Variants in NCLN observed in about 807,000 individuals in gnomAD.
NCLN encodes the protein BOS complex subunit NCLN.
A neutral mutation model predicts 69.5 loss-of-function variants in NCLN; 34 were observed. The ratio of observed to expected loss-of-function variants is 0.49; its 90% CI spans 0.37 to 0.65. The LOEUF (loss-of-function observed/expected upper bound fraction) is 0.65, where lower values mean the gene tolerates loss of function less well. Ranked by LOEUF, NCLN falls within the 30% of genes least tolerant of loss-of-function variation. NCLN has a pLI of 0.00. For missense variants in NCLN, 710 were observed against 804.8 expected, an observed-to-expected ratio of 0.88 and a Z score of 1.42; for synonymous variants, 393 against 358.3, an observed-to-expected ratio of 1.10 and a Z score of -1.09.
intron 9 of NCLN, 23 bp downstream of exon 9, chr19:3,204,774 G>A (rs1280969200): frequency 1.4e-6 from 2 of 1,444,416 alleles, no homozygotes; most frequent in African/African-American, 1.4e-5. Context: ...GCACCTGCCC[G>A]GCCCCTCCTA....
In NCLN at chr19:3,207,372, G is replaced by C; in HGVS notation, c.1554-19G>C. 6.2e-7 allele frequency: 1 copy of C among 1,613,042 alleles called. No individual in the cohort carries two copies. The highest frequency in any genetic ancestry group is 1.1e-5 in the South Asian group (1 of 91,086). On this transcript the variant is annotated intron_variant, in intron 13 of 14. Coordinates refer to ENST00000246117, the MANE Select transcript of NCLN (RefSeq NM_020170.4). Reference sequence around the variant, plus strand: ...GCCGCGCACCATCCTCGACCTCAGGGACCCTGCTTTCTCCACAGAGTCAAG... The same window carrying C: ...GCCGCGCACCATCCTCGACCTCAGGCACCCTGCTTTCTCCACAGAGTCAAG...
rs571526005 is a variant in NCLN, at chr19:3,196,844, A to C, written c.615+567A>C. On this transcript the variant is annotated intron_variant, in intron 4 of 14. Coordinates refer to ENST00000246117, the MANE Select transcript of NCLN (RefSeq NM_020170.4). ...TTAAAACCCGAGGAAGCACCCACCG[A>C]CTCCTCTAGCATTTCCCTGCGGGAC... 8.2e-4 allele frequency among the ~76,000 whole-genome samples: 124 copies of C among 151,936 alleles called. 1 individual carries two copies. The highest frequency in any genetic ancestry group is 2.9e-3 in the African/African-American group (122 of 41,424).
intron 6 of NCLN, among the ~76,000 whole-genome samples, chr19:3,202,785 C>T (rs1448867578): frequency 1.3e-5 from 2 of 152,130 alleles, no homozygotes; most frequent in Non-Finnish European, 1.5e-5. Flanking sequence ...ACCTCTTCCC[C>T]CAGCCCCCCA....
rs767448151 is a variant in NCLN at position 3,186,017 on chromosome 19, C to A, written c.-14C>A. ...TCCCAGCTGCCGCCCCGCGCGGCCC[C>A]GCCGCCGGCCAGGATGCTGGAGGAA... On this transcript the variant is annotated 5_prime_UTR_variant, in exon 1 of 15. Transcript: ENST00000246117. The A allele has an allele frequency of 3.9e-6, 6 of 1,535,140 alleles. No individual in the cohort carries two copies. Among genetic ancestry groups the A allele is most frequent in the Non-Finnish European group, 5.2e-6 (6 of 1,146,284 alleles).
At chr19:3,200,310 G>GTTT (rs539601039) in intron 5 of NCLN, among the ~76,000 whole-genome samples, 41 of 114,870 alleles carry the variant, frequency 3.6e-4, no homozygotes, top group East Asian at 4.4e-4. Context: ...TTTTATTTAT[G>GTTT]TATTTTTTTT....
chr19:3,194,612 C>T (rs571567514), intron 3 of NCLN, among the ~76,000 whole-genome samples: 8 of 152,332 alleles, frequency 5.3e-5, no homozygotes, highest in Middle Eastern at 3.4e-3. Flanking sequence ...TGATCCTTTG[C>T]AGAAAACGTT....
intron 9 of NCLN, among the ~76,000 whole-genome samples, 167 bp downstream of exon 9, chr19:3,204,918 G>A (rs1373870080): frequency 3.3e-5 from 5 of 152,174 alleles, no homozygotes; most frequent in East Asian, 1.9e-4. Context: ...CAGGCCGTTC[G>A]CAAGCTCTTC....
intron 3 of NCLN, 127 bp downstream of exon 3, chr19:3,193,555 C>T (rs1461008815): frequency 2.2e-5 from 25 of 1,160,954 alleles, no homozygotes; most frequent in Non-Finnish European, 2.7e-5. Context: ...CCGGGGTTAA[C>T]AGTGGGGGTT....
chr19:3,193,480 G>C, intron 3 of NCLN, 52 bp downstream of exon 3: 2 of 1,527,236 alleles, frequency 1.3e-6, no homozygotes, highest in Non-Finnish European at 1.8e-6. Context: ...GTGGGGAGGC[G>C]TCCCCATCCC....
chr19:3,200,862 T>C (rs1412386406), intron 5 of NCLN, among the ~76,000 whole-genome samples: 1 of 152,120 alleles, frequency 6.6e-6, no homozygotes, highest in Non-Finnish European at 1.5e-5. Context: ...GATCCTACAC[T>C]GTGGACAAAG....
chr19:3,193,133 C>T (rs1001950059), intron 2 of NCLN, 151 bp from the exon 3 acceptor site: 8 of 729,682 alleles, frequency 1.1e-5, no homozygotes, highest in African/African-American at 9.3e-5. Context: ...CCTGCCTGCC[C>T]TCCAGGGACA....
At chr19:3,199,917 G>A (rs1238479802) in intron 5 of NCLN, among the ~76,000 whole-genome samples, 1 of 151,754 alleles carries the variant, frequency 6.6e-6, no homozygotes, top group African/African-American at 2.4e-5. Flanking sequence ...AGCCAGGATG[G>A]TCTCGATCTC....
intron 1 of NCLN, among the ~76,000 whole-genome samples, chr19:3,192,254 C>CT (rs1319020960): frequency 2.6e-5 from 4 of 152,100 alleles, no homozygotes; most frequent in Admixed American, 1.3e-4. Context: ...GGCACTGAGC[C>CT]TGTGGGCATG....
chr19:3,191,620 T>C (rs1012255969), intron 1 of NCLN, among the ~76,000 whole-genome samples: 10 of 152,252 alleles, frequency 6.6e-5, no homozygotes, highest in Non-Finnish European at 1.3e-4. Context: ...GCCGTCCCCA[T>C]CTGGGACCCC....
In NCLN at chr19:3,206,444, G is replaced by T; in HGVS notation, c.1499+19G>T. 6.5e-7 allele frequency: 1 copy of T among 1,540,612 alleles called. No individual in the cohort carries two copies. Among genetic ancestry groups the T allele is most frequent in the Non-Finnish European group, 8.7e-7 (1 of 1,143,110 alleles). ...ACAAGCGGTGAGGCTGGGGCTCCGC[G>T]CTGGCCCCGTTCAGCCTGGGGCCGA... On this transcript the variant is annotated intron_variant, in intron 12 of 14. Transcript: ENST00000246117.
At position 3,192,607 on chromosome 19, in the gene NCLN, G is replaced by A. The variant is rs913705047; in HGVS notation, c.322G>A (p.Val108Met). ...GGCCCTGCGGCAGTCGGCGGGCGCCGTGGTCATCATCCTGCCCAGGGCCAT... is the reference window on the plus strand; with the variant it reads ...GGCCCTGCGGCAGTCGGCGGGCGCCATGGTCATCATCCTGCCCAGGGCCAT... ...QKALRQSAGA[V>M]VIILPRAMAA... The change falls in exon 2 of 15, where the codon GTG becomes ATG. Residue 108 changes from valine (V) to methionine (M), a missense_variant. Transcript: ENST00000246117. The A allele has an allele frequency of 6.2e-6, 10 of 1,603,402 alleles. No individual in the cohort carries two copies. Among genetic ancestry groups the A allele is most frequent in the East Asian group, 2.3e-5 (1 of 44,412 alleles).
chr19:3,190,234 A>G (rs1332324538), intron 1 of NCLN, among the ~76,000 whole-genome samples: 2 of 152,150 alleles, frequency 1.3e-5, no homozygotes, highest in African/African-American at 4.8e-5. Context: ...GGGCAGAGGA[A>G]AGGCTCCCAG....
chr19:3,203,884 G>A (rs746603252), intron 7 of NCLN, 40 bp downstream of exon 7: 3 of 1,600,808 alleles, frequency 1.9e-6, no homozygotes, highest in Non-Finnish European at 2.6e-6. Context: ...CCGCGGTGGT[G>A]GTGCCGTGGG....
Position 3,193,202 on chromosome 19 carries a change from A to T in NCLN, c.376-82A>T, listed in dbSNP as rs374563756. On this transcript the variant is annotated intron_variant, in intron 2 of 14. Transcript: ENST00000246117. ...AGTCACTGGGCCCCCTGCTACCCCC[A>T]CCAGGGACAGTCACTGGGCCCCCTG... 3.9e-3 allele frequency: 4,035 copies of T among 1,035,422 alleles called. 6 individuals carry two copies. Among genetic ancestry groups the T allele is most frequent in the South Asian group, 0.016 (614 of 37,268 alleles). 64.1% of individuals were successfully genotyped at this position (1,035,422 alleles called of 1,614,324 possible).
Sources: gnomAD v4.1 joint callset for allele counts (sites outside exome capture counted in the v4.1 genomes callset) on GRCh38, gnomAD v4.1.1 for gene constraint, MANE v1.5 for transcripts, NCBI Gene and HGNC (gene_info 2026-07-23, HGNC 2026-07-21) for gene names.